ANK1: variants seen among roughly 807,000 people sequenced by gnomAD.
ANK1 encodes ankyrin 1, also known as ankyrin-1.
In ANK1, 51 loss-of-function variants were observed where a neutral mutation model predicts 210.4. The ratio of observed to expected loss-of-function variants is 0.24; its 90% CI spans 0.19 to 0.31. The LOEUF (loss-of-function observed/expected upper bound fraction) is 0.31. ANK1 is among the 10% of genes least tolerant of loss of function. ANK1 has a pLI of 1.00. For missense variants in ANK1, 2,051 were observed against 2,504.4 expected (o/e 0.82, Z 3.86); for synonymous variants, 967 against 1,025.9 (o/e 0.94, Z 1.10).
chr8:41,824,623 A>G (rs1261230058), intron 1 of ANK1, among the ~76,000 whole-genome samples: 1 of 152,182 alleles, frequency 6.6e-6, no homozygotes, highest in Non-Finnish European at 1.5e-5. Context: ...CTGCATAAAG[A>G]TGGGTCACGA....
At chr8:41,727,125 G>A (rs554485207) in intron 5 of ANK1, 125 bp downstream of exon 5, 90 of 762,314 alleles carry the variant, frequency 1.2e-4, no homozygotes, top group African/African-American at 1.1e-3. Flanking sequence ...TTAGTGCAGC[G>A]ACCTGAAGGT....
chr8:41,764,427 T>G (rs915758799), intron 1 of ANK1, among the ~76,000 whole-genome samples: 1 of 152,210 alleles, frequency 6.6e-6, no homozygotes, highest in Non-Finnish European at 1.5e-5. Flanking sequence ...AACATTTACC[T>G]GAGCACATAC....
intron 39 of ANK1, among the ~76,000 whole-genome samples, chr8:41,667,069 GTGTGCTCTGGGA>G (rs1476169117): frequency 6.6e-6 from 1 of 152,256 alleles, no homozygotes; most frequent in Non-Finnish European, 1.5e-5. Context: ...TTAAGATCAT[GTGTGCTCTGGGA>G]GCAGGAGAAC....
intron 1 of ANK1, among the ~76,000 whole-genome samples, chr8:41,761,999 C>T (rs188711231): frequency 3.7e-4 from 57 of 152,324 alleles, no homozygotes; most frequent in Non-Finnish European, 6.3e-4. Context: ...CTGGTCTTCC[C>T]CAAATCCTGA....
intron 1 of ANK1, among the ~76,000 whole-genome samples, chr8:41,867,520 G>C (rs1026855399): frequency 1.3e-5 from 2 of 152,170 alleles, no homozygotes; most frequent in Non-Finnish European, 2.9e-5. Flanking sequence ...TCCAGCCACA[G>C]CAAATGACTC....
intron 3 of ANK1, among the ~76,000 whole-genome samples, chr8:41,733,226 G>A (rs950872625): frequency 2.6e-5 from 4 of 152,130 alleles, no homozygotes; most frequent in East Asian, 3.8e-4. Flanking sequence ...GATGCCTGGC[G>A]TCGCCCCATG....
At position 41,661,518 on chromosome 8, in the gene ANK1, C is replaced by T; in HGVS notation, c.5591G>A (p.Arg1864Lys). 8 of 1,614,110 alleles carry T rather than the reference C, an allele frequency of 5.0e-6. No homozygotes were observed. Among genetic ancestry groups the T allele is most frequent in the Non-Finnish European group, 6.8e-6 (8 of 1,180,038 alleles). Residue 1864 changes from arginine (R) to lysine (K), a missense_variant, in exon 42 of 43, where the codon AGG becomes AAG. Physicochemically the swap from Arg to Lys is conservative, Grantham distance 26. Coordinates refer to ENST00000289734, the MANE Select transcript of ANK1 (RefSeq NM_000037.4). ...SGLQPDLIEG[R>K]KGAQIVKRAS... Reference sequence around the variant, plus strand: ...CCGCTTCACTATCTGCGCCCCCTTCCTGCCCTCTATCAGGTCCGGCTGTAG... The same window carrying T: ...CCGCTTCACTATCTGCGCCCCCTTCTTGCCCTCTATCAGGTCCGGCTGTAG...
chr8:41,777,275 G>A (rs116584783), intron 1 of ANK1, among the ~76,000 whole-genome samples: 4,347 of 152,192 alleles, frequency 0.029, 157 homozygotes, highest in African/African-American at 0.085. Flanking sequence ...TTGGCTTCAT[G>A]TCTTTTTAAA....
chr8:41,677,853 G>A (rs562519140), intron 37 of ANK1, among the ~76,000 whole-genome samples: 6 of 152,252 alleles, frequency 3.9e-5, no homozygotes, highest in African/African-American at 1.4e-4. Flanking sequence ...ACCTCCCAAA[G>A]TGCCAGGATT....
chr8:41,698,469 C>A (rs932679907), intron 23 of ANK1, among the ~76,000 whole-genome samples: 2 of 152,204 alleles, frequency 1.3e-5, no homozygotes, highest in Non-Finnish European at 2.9e-5. Context: ...TTCTTTCTAA[C>A]AGATGTCCAG....
Position 41,668,284 on chromosome 8 carries a change from A to G in ANK1, c.5377T>C (p.Phe1793Leu), listed in dbSNP as rs143881804. The change falls in exon 39 of 43, where the codon TTC becomes CTC. Residue 1793 changes from phenylalanine (F) to leucine (L), a missense_variant. By Grantham distance (22) the Phe-to-Leu change is conservative. Transcript: ENST00000289734. ...EEQVQEAKNT[F>L]TQVVQGNEFQ... ...GCTCTCACCTGCACCACTTGGGTGA[A>G]GGTGTTCTTGGCCTCCTGCACCTGC... The G allele has an allele frequency of 1.2e-6, 2 of 1,614,074 alleles. No individual in the cohort carries two copies. Among genetic ancestry groups the G allele is most frequent in the Non-Finnish European group, 1.7e-6 (2 of 1,180,026 alleles).
intron 1 of ANK1, among the ~76,000 whole-genome samples, chr8:41,791,962 A>C (rs139659593): frequency 8.5e-5 from 13 of 152,204 alleles, no homozygotes; most frequent in African/African-American, 3.1e-4. Context: ...TAATCTGTCT[A>C]TAAACAAGTT....
At position 41,760,107 on chromosome 8, in the gene ANK1, ATC is replaced by A. The variant is rs80175558; in HGVS notation, c.28-1972_28-1971del. 5.9e-5 allele frequency among the ~76,000 whole-genome samples: 9 copies of A among 152,328 alleles called. No homozygotes were observed. The East Asian group carries it at 1.5e-3, about 26-fold the overall frequency. ...CATCTCAGACCTTGCCCCCAGGAAC[ATC>A]TGTTTCCTTTAAAGATGAGTGACAG... On this transcript the variant is annotated intron_variant, in intron 1 of 42. Transcript: ENST00000289734.
At chr8:41,828,586 C>G (rs1237841807) in intron 1 of ANK1, 1 of 154,178 alleles carries the variant, frequency 6.5e-6, no homozygotes, top group African/African-American at 2.4e-5. Flanking sequence ...TGTGGGGATT[C>G]CCATACCGAG....
chr8:41,767,425 C>G (rs919229480), intron 1 of ANK1, among the ~76,000 whole-genome samples: 1 of 151,890 alleles, frequency 6.6e-6, no homozygotes. Flanking sequence ...CCCGCTCCCC[C>G]TCCCGGTTAT....
chr8:41,814,616 G>A (rs1217753170), intron 1 of ANK1, among the ~76,000 whole-genome samples: 1 of 151,968 alleles, frequency 6.6e-6, no homozygotes, highest in Non-Finnish European at 1.5e-5. Flanking sequence ...GGATGACAAA[G>A]ACTTAAAATA....
rs35245035 is a variant in ANK1, at chr8:41,746,868, T to TAA, written c.129+11166_129+11167dup. Among the ~76,000 whole-genome samples the TAA allele has an allele frequency of 3.1e-3, 428 of 138,768 alleles. 2 individuals are homozygous for TAA. Among genetic ancestry groups the TAA allele is most frequent in the Non-Finnish European group, 3.7e-3 (239 of 64,036 alleles). 91.0% of individuals were successfully genotyped at this position (138,768 alleles called of 152,430 possible). A position where few individuals can be genotyped will look rare whatever the true frequency, so the allele number is the denominator to read the frequency against. ...CTATGCCCGAGATCTTGGTATTCTT[T>TAA]AAAAAAAAAAAAAAAAGACCCAGAC... is the stretch of plus-strand genomic sequence containing the variant. On this transcript the variant is annotated intron_variant, in intron 2 of 42. Coordinates refer to ENST00000289734, the MANE Select transcript of ANK1 (RefSeq NM_000037.4).
chr8:41,864,484 C>T (rs1394947275), intron 1 of ANK1, among the ~76,000 whole-genome samples: 1 of 152,152 alleles, frequency 6.6e-6, no homozygotes, highest in Non-Finnish European at 1.5e-5. Context: ...GCTGAGTCCT[C>T]CCCACTCTCC....
intron 1 of ANK1, among the ~76,000 whole-genome samples, chr8:41,848,376 G>T (rs1364545993): frequency 6.6e-6 from 1 of 152,142 alleles, no homozygotes; most frequent in Non-Finnish European, 1.5e-5. Context: ...AAGGTTCTTG[G>T]CTAAAATGCG....
Sources: allele counts gnomAD v4.1 joint callset (sites outside exome capture counted in the v4.1 genomes callset), GRCh38; gene constraint gnomAD v4.1.1; transcripts MANE v1.5; gene names NCBI Gene and HGNC (gene_info 2026-07-23, HGNC 2026-07-21).